ACAT2: variants seen among roughly 807,000 people sequenced by gnomAD.
ACAT2 encodes the protein acetyl-CoA acetyltransferase, cytosolic.
Under a neutral mutation model 37.1 loss-of-function variants are expected in ACAT2, and 26 were observed. That is an observed-to-expected ratio of 0.70 (90% CI 0.51 to 0.97). The LOEUF (loss-of-function observed/expected upper bound fraction) is 0.97, where lower values mean the gene tolerates loss of function less well. Ranked by LOEUF, ACAT2 falls within the 50% of genes least tolerant of loss-of-function variation. The probability of loss-of-function intolerance (pLI) is 0.00; values close to 1 mark genes in which losing one functional copy is unlikely to be tolerated. For synonymous variants in ACAT2, 156 were observed against 163.6 expected (o/e 0.95, Z 0.35); for missense variants, 468 against 489.0 (o/e 0.96, Z 0.40).
At position 159,777,416 on chromosome 6, in the gene ACAT2, C is replaced by G; in HGVS notation, c.872C>G (p.Ser291Cys). ...VSWSQVGVEPSIMGIGPIPAI... is the reference protein window; with the variant it reads ...VSWSQVGVEPCIMGIGPIPAI... Reference sequence around the variant, plus strand: ...TGGTCCCAAGTGGGTGTGGAGCCTTCCATTATGGGAATAGGACCAATTCCA... The same window carrying G: ...TGGTCCCAAGTGGGTGTGGAGCCTTGCATTATGGGAATAGGACCAATTCCA... The change falls in exon 7 of 9, where the codon TCC becomes TGC. Residue 291 changes from serine (S) to cysteine (C), a missense_variant. Physicochemically the swap from Ser to Cys is moderately radical, Grantham distance 112 (BLOSUM62 -1). Transcript: ENST00000367048. 1.2e-6 allele frequency: 2 copies of G among 1,614,150 alleles called. No individual in the cohort carries two copies. The highest frequency in any genetic ancestry group is 1.7e-6 in the Non-Finnish European group (2 of 1,180,016).
intron 2 of ACAT2, among the ~76,000 whole-genome samples, chr6:159,763,839 C>T (rs913017204): frequency 2.0e-5 from 3 of 151,290 alleles, no homozygotes; most frequent in African/African-American, 4.9e-5. Flanking sequence ...CGGTGGCTCA[C>T]GCCTGTAATC....
intron 7 of ACAT2, among the ~76,000 whole-genome samples, chr6:159,777,765 T>G (rs1181305791): frequency 1.3e-5 from 2 of 152,132 alleles, no homozygotes; most frequent in South Asian, 4.1e-4. Flanking sequence ...AGGCTGGTTT[T>G]GAACTCCTGA....
chr6:159,768,981 T>C (rs1780296713), intron 4 of ACAT2, among the ~76,000 whole-genome samples: 1 of 152,200 alleles, frequency 6.6e-6, no homozygotes, highest in South Asian at 2.1e-4. Flanking sequence ...AATTGGGTTA[T>C]TGGTCATTCA....
At chr6:159,776,648 C>CAAATG (rs956936217) in intron 6 of ACAT2, among the ~76,000 whole-genome samples, 2 of 152,236 alleles carry the variant, frequency 1.3e-5, no homozygotes, top group Non-Finnish European at 2.9e-5. Context: ...ACTAGACATA[C>CAAATG]AAATGAAGAA....
At chr6:159,772,371 G>A (rs1780350817) in intron 4 of ACAT2, among the ~76,000 whole-genome samples, 2 of 152,198 alleles carry the variant, frequency 1.3e-5, no homozygotes, top group African/African-American at 2.4e-5. Context: ...ACAAGACAAT[G>A]TGGTTTTGGC....
Position 159,778,883 on chromosome 6 carries a change from G to A in ACAT2, c.*54G>A. On this transcript the variant is annotated 3_prime_UTR_variant, in exon 9 of 9. Transcript: ENST00000367048. ...TCTTTTTAAACTAATAAAGTACTAG[G>A]TTGCAATATGTGAAATCAGAGGACC... 3 of 1,607,170 alleles carry A rather than the reference G, an allele frequency of 1.9e-6. No homozygotes were observed. The highest frequency in any genetic ancestry group is 2.6e-6 in the Non-Finnish European group (3 of 1,175,352).
chr6:159,778,280 G>A lies in ACAT2; in HGVS notation c.1023G>A (p.Lys341=), dbSNP rs1780470046. The part of the protein sequence containing the change: ...IVKELGLNPE[K]VNIEGGAIAL... ...AAGAACTTGGATTAAACCCAGAGAA[G>A]GTAAAGATGCACAAGTAACCCTGAG... The change falls in exon 8 of 9, where the codon AAG becomes AAA. Residue 341 remains lysine, a splice_region_variant and synonymous_variant. Transcript: ENST00000367048. 1.9e-6 allele frequency: 3 copies of A among 1,591,878 alleles called. No individual in the cohort carries two copies. The highest frequency in any genetic ancestry group is 1.7e-4 in the Middle Eastern group (1 of 6,008).
intron 4 of ACAT2, 24 bp from the exon 5 acceptor site, chr6:159,775,146 T>G: frequency 6.2e-7 from 1 of 1,611,642 alleles, no homozygotes; most frequent in East Asian, 2.2e-5. Flanking sequence ...ATGTTAGTTT[T>G]TTGCTGTTTT....
chr6:159,777,495 C>T lies in ACAT2; in HGVS notation c.912+39C>T, dbSNP rs1301238327. ...TATTCCCTTTTATGAAATTTGTCTT[C>T]CTGTTAGCCTTAAGTGAGCTTATTC... On this transcript the variant is annotated intron_variant, in intron 7 of 8. Coordinates refer to ENST00000367048, the MANE Select transcript of ACAT2 (RefSeq NM_005891.3). 2.5e-6 allele frequency: 4 copies of T among 1,583,472 alleles called. No individual in the cohort carries two copies. The East Asian group carries it at 9.1e-5, about 36-fold the overall frequency.
rs541580037 is a variant in ACAT2, at chr6:159,765,500, C to T, written c.191-1505C>T. ...CTGGTGGAGTGCAGCCGTACAATCT[C>T]GGCTCACTGCAACCTCTGTCTCAGG... On this transcript the variant is annotated intron_variant, in intron 2 of 8. Transcript: ENST00000367048. Among the ~76,000 whole-genome samples, 120 of 151,774 alleles carry T rather than the reference C, an allele frequency of 7.9e-4. 1 individual carries two copies. In the South Asian group the frequency reaches 0.022, roughly 28 times the overall value.
At chr6:159,771,270 C>G (rs1467959220) in intron 4 of ACAT2, among the ~76,000 whole-genome samples, 1 of 152,064 alleles carries the variant, frequency 6.6e-6, no homozygotes, top group African/African-American at 2.4e-5. Context: ...ATCCCAGCTA[C>G]TCGGGAGGCT....
In ACAT2 at chr6:159,775,210, T is replaced by C. The variant is rs761277497; in HGVS notation, c.531T>C (p.Asp177=). ...AAAAATGGCAAGTGAGTAGAGAAGATCAGGACAAGGTTGCAGTTCTGTCCC... is the reference window on the plus strand; with the variant it reads ...AAAAATGGCAAGTGAGTAGAGAAGACCAGGACAAGGTTGCAGTTCTGTCCC... ...VAKKWQVSRE[D]QDKVAVLSQN... The change falls in exon 5 of 9, where the codon GAT becomes GAC. Residue 177 remains aspartate (D), a synonymous_variant. Coordinates refer to ENST00000367048, the MANE Select transcript of ACAT2 (RefSeq NM_005891.3). 7 of 1,613,936 alleles carry C rather than the reference T, an allele frequency of 4.3e-6. No homozygotes were observed. Among genetic ancestry groups the C allele is most frequent in the Non-Finnish European group, 5.9e-6 (7 of 1,179,990 alleles).
intron 1 of ACAT2, 80 bp from the exon 2 acceptor site, chr6:159,762,839 A>C: frequency 1.3e-6 from 2 of 1,597,794 alleles, no homozygotes; most frequent in Non-Finnish European, 1.7e-6. Flanking sequence ...AAACAGGGTC[A>C]TGAGGCTCCC....
At chr6:159,773,544 T>G (rs944898353) in intron 4 of ACAT2, among the ~76,000 whole-genome samples, 2 of 152,210 alleles carry the variant, frequency 1.3e-5, no homozygotes, top group Non-Finnish European at 2.9e-5. Context: ...AGTGGAATTT[T>G]GAACAATTTG....
intron 4 of ACAT2, among the ~76,000 whole-genome samples, chr6:159,768,930 AGTT>A (rs1780296123): frequency 6.6e-6 from 1 of 152,180 alleles, no homozygotes; most frequent in Admixed American, 6.5e-5. Context: ...GAGATAAACC[AGTT>A]GTTTTTTTGG....
rs543943030 is a variant in ACAT2 at position 159,766,801 on chromosome 6, C to T, written c.191-204C>T. Among the ~76,000 whole-genome samples the T allele has an allele frequency of 3.9e-5, 6 of 152,288 alleles. No individual in the cohort carries two copies. In the East Asian group the frequency reaches 1.2e-3, roughly 29 times the overall value. On this transcript the variant is annotated intron_variant, in intron 2 of 8. Coordinates refer to ENST00000367048, the MANE Select transcript of ACAT2 (RefSeq NM_005891.3). ...TTATATCTATGAAATACCTACAGAG[C>T]AGCACAAGGCAGTATATATTCAAGG...
intron 7 of ACAT2, 150 bp downstream of exon 7, chr6:159,777,606 C>G (rs1780447266): frequency 7.9e-6 from 8 of 1,015,896 alleles, no homozygotes; most frequent in Non-Finnish European, 1.1e-5. Flanking sequence ...GCTCTGTTGT[C>G]CAGGCTGGAG....
At chr6:159,769,246 A>G (rs1432388739) in intron 4 of ACAT2, among the ~76,000 whole-genome samples, 1 of 152,196 alleles carries the variant, frequency 6.6e-6, no homozygotes, top group African/African-American at 2.4e-5. Context: ...CATGAATGCT[A>G]GGAAGGAAGG....
chr6:159,762,217 T>C, intron 1 of ACAT2, 75 bp downstream of exon 1: 1 of 1,514,662 alleles, frequency 6.6e-7, no homozygotes, highest in South Asian at 1.2e-5. Context: ...GCCGGACTTG[T>C]GTAGGAGAGG....
Sources: gnomAD v4.1 joint callset for allele counts (sites outside exome capture counted in the v4.1 genomes callset) on GRCh38, gnomAD v4.1.1 for gene constraint, MANE v1.5 for transcripts, NCBI Gene and HGNC (gene_info 2026-07-23, HGNC 2026-07-21) for gene names.